The following FLNB variants were observed in gnomAD, a reference collection of about 807,000 sequenced individuals.
The protein encoded by FLNB is filamin B, also known as filamin-B.
FLNB carries 111 observed loss-of-function variants against 250.6 expected under a neutral mutation model. The ratio of observed to expected loss-of-function variants is 0.44; its 90% CI spans 0.38 to 0.52. FLNB has a LOEUF of 0.52. FLNB is among the 20% of genes least tolerant of loss of function. The pLI, the probability that FLNB is intolerant of heterozygous loss-of-function variation, is 0.00. For missense variants in FLNB, 2,869 were observed against 3,447.8 expected (o/e 0.83, Z 4.20); for synonymous variants, 1,302 against 1,372.1 (o/e 0.95, Z 1.13).
At chr3:58,027,152 T>C (rs1171945190) in intron 1 of FLNB, among the ~76,000 whole-genome samples, 1 of 151,636 alleles carries the variant, frequency 6.6e-6, no homozygotes, top group African/African-American at 2.4e-5. Flanking sequence ...ACTTAGACTC[T>C]GGCTCTTTTT....
chr3:58,104,058 C>CA lies in FLNB; in HGVS notation c.1584dup (p.Trp529MetfsTer12). On this transcript the variant is annotated frameshift_variant, in exon 10 of 46. Transcript: ENST00000295956. LOFTEE classifies it high-confidence loss of function. The stretch of plus-strand genomic sequence containing the variant: ...CCGGGGAGATACAGCATTGCCATCA[C>CA]ATGGGGGGGACACCACATTCCAAAG... The CA allele has an allele frequency of 6.2e-7, 1 of 1,613,994 alleles. No individual in the cohort carries two copies. The highest frequency in any genetic ancestry group is 8.5e-7 in the Non-Finnish European group (1 of 1,180,014).
chr3:58,037,058 CTTTTTTTTTTTTTTTTTT>C (rs549716136), intron 1 of FLNB, among the ~76,000 whole-genome samples: 1 of 103,594 alleles, frequency 9.7e-6, no homozygotes, highest in Non-Finnish European at 2.0e-5. Context: ...ACATTAGAGT[CTTTTTTTTTTTTTTTTTT>C]TTTTTTTTGA....
chr3:58,098,991 A>G (rs1219827992), intron 8 of FLNB, 83 bp downstream of exon 8: 2 of 1,197,884 alleles, frequency 1.7e-6, no homozygotes, highest in African/African-American at 1.5e-5. Flanking sequence ...GAAAACAGTC[A>G]GGGCCCAACA....
In FLNB at chr3:58,126,829, G is replaced by C. The variant is rs2362905; in HGVS notation, c.4222+67G>C. ...TTGCAGGAAAATGGGTTTGATTTTGGTTATCTCTCTGAGTGGGGAAAACAA... is the reference window on the plus strand; with the variant it reads ...TTGCAGGAAAATGGGTTTGATTTTGCTTATCTCTCTGAGTGGGGAAAACAA... On this transcript the variant is annotated intron_variant, in intron 24 of 45. Coordinates refer to ENST00000295956, the MANE Select transcript of FLNB (RefSeq NM_001457.4). 0.32 allele frequency: 464,047 copies of C among 1,468,116 alleles called. 96,053 individuals carry two copies. The highest frequency in any genetic ancestry group is 0.98 in the East Asian group (42,389 of 43,192). 90.9% of individuals were successfully genotyped at this position (1,468,116 alleles called of 1,614,324 possible). A position where few individuals can be genotyped will look rare whatever the true frequency, so the allele number is the denominator to read the frequency against.
rs752677879 is a variant in FLNB, at chr3:58,008,663, G to T, written c.99G>T (p.Val33=). ...GGTGCAACGAGCACCTCAAGTGCGT[G>T]AACAAACGCATCGGCAACCTGCAGA... ...TRWCNEHLKC[V]NKRIGNLQTD... is the part of the protein sequence containing the mutation. Residue 33 remains valine, a synonymous_variant, in exon 1 of 46, where the codon GTG becomes GTT. Transcript: ENST00000295956. 3 of 1,614,044 alleles carry T rather than the reference G, an allele frequency of 1.9e-6. No individual in the cohort carries two copies. Among genetic ancestry groups the T allele is most frequent in the Admixed American group, 1.7e-5 (1 of 60,014 alleles).
chr3:58,154,941 G>A lies in FLNB; in HGVS notation c.6772+13G>A, dbSNP rs777900133. The A allele has an allele frequency of 6.2e-6, 10 of 1,613,292 alleles. No individual in the cohort carries two copies. In the South Asian group the frequency reaches 7.7e-5, roughly 12 times the overall value. On this transcript the variant is annotated intron_variant, in intron 40 of 45. Coordinates refer to ENST00000295956, the MANE Select transcript of FLNB (RefSeq NM_001457.4). ...GCCCAAGAGCCTGGTATGTATTCAG[G>A]GTTCACAAGAGGACATTTTCCTTGT...
rs777664193 is a variant in FLNB at position 58,123,482 on chromosome 3, G to A, written c.3516G>A (p.Ser1172=). The A allele has an allele frequency of 1.6e-5, 26 of 1,604,218 alleles. No homozygotes were observed. Among genetic ancestry groups the A allele is most frequent in the South Asian group, 4.4e-5 (4 of 90,462 alleles). ...GPGALGLEAV[S]DSGTKAEVSI... ...GGGCCCTGGGCCTGGAAGCTGTCTC[G>A]GACTCGGGAACAAAAGCCGAAGTCA... The change falls in exon 21 of 46, where the codon TCG becomes TCA. Residue 1172 remains serine (S), a synonymous_variant. Transcript: ENST00000295956.
intron 1 of FLNB, among the ~76,000 whole-genome samples, chr3:58,034,404 T>C (rs1183262401): frequency 6.6e-6 from 1 of 152,178 alleles, no homozygotes; most frequent in Admixed American, 6.5e-5. Context: ...AAGACAATTT[T>C]TTTTTTTTTT....
chr3:58,149,995 C>G lies in FLNB; in HGVS notation c.6237C>G (p.His2079Gln). 1 of 1,614,278 alleles carries G rather than the reference C, an allele frequency of 6.2e-7. No individual in the cohort carries two copies. The highest frequency in any genetic ancestry group is 8.5e-7 in the Non-Finnish European group (1 of 1,180,052). The stretch of plus-strand genomic sequence containing the variant: ...TCTCCACCAAATTCGCTGACGAGCA[C>G]GTGCCTGGTATGTGCATTCCATTCC... ...YIVSTKFADE[H>Q]VPGSPFTVKI... The change falls in exon 37 of 46, where the codon CAC becomes CAG. Residue 2079 changes from histidine (H) to glutamine (Q), a missense_variant. By Grantham distance (24) the His-to-Gln change is conservative. Transcript: ENST00000295956.
intron 7 of FLNB, among the ~76,000 whole-genome samples, chr3:58,098,426 G>T (rs2097242940): frequency 6.6e-6 from 1 of 152,186 alleles, no homozygotes; most frequent in South Asian, 2.1e-4. Flanking sequence ...CGCCTCCTGG[G>T]TTCAAGCGAT....
Position 58,125,713 on chromosome 3 carries a change from A to G in FLNB, c.4031A>G (p.Asn1344Ser). 1 of 1,614,152 alleles carries G rather than the reference A, an allele frequency of 6.2e-7. No individual in the cohort carries two copies. The highest frequency in any genetic ancestry group is 8.5e-7 in the Non-Finnish European group (1 of 1,180,034). ...QGPGLKEAFTNKPNVFTVVTR... is the reference protein window; with the variant it reads ...QGPGLKEAFTSKPNVFTVVTR... ...CCTGGATTGAAAGAGGCCTTTACCA[A>G]CAAGCCCAATGTCTTCACCGTGGTT... The change falls in exon 23 of 46, where the codon AAC (asparagine) becomes AGC (serine). Residue 1344 changes from asparagine (N) to serine (S), a missense_variant. Around this residue, in one of 5 missense-constraint regions of FLNB, gnomAD observed 1,348 missense variants for 1,466.7 expected, o/e 0.92. Coordinates refer to ENST00000295956, the MANE Select transcript of FLNB (RefSeq NM_001457.4).
intron 1 of FLNB, among the ~76,000 whole-genome samples, chr3:58,022,380 T>A (rs1290143481): frequency 2.6e-5 from 4 of 152,210 alleles, no homozygotes; most frequent in African/African-American, 9.7e-5. Context: ...AGTGGAACAC[T>A]TCGTTTTTGG....
chr3:58,119,040 G>A (rs376191469), intron 19 of FLNB, 51 bp downstream of exon 19: 7 of 1,315,018 alleles, frequency 5.3e-6, no homozygotes, highest in Non-Finnish European at 6.6e-6. Flanking sequence ...CCCCAACGTG[G>A]CTGCTGGTTA....
At chr3:58,147,948 A>G (rs1168268112) in intron 34 of FLNB, among the ~76,000 whole-genome samples, 2 of 152,186 alleles carry the variant, frequency 1.3e-5, no homozygotes, top group South Asian at 4.1e-4. Context: ...ACCTGGCCCA[A>G]AGATTCCTTT....
chr3:58,165,638 A>T (rs2097369033), intron 43 of FLNB: 1 of 152,002 alleles, frequency 6.6e-6, no homozygotes, highest in African/African-American at 2.4e-5. Flanking sequence ...TAGATTTTGG[A>T]GTAGGGGAAT....
rs766316609 is a variant in FLNB at position 58,142,762 on chromosome 3, T to C, written c.5284+10T>C. The C allele has an allele frequency of 6.2e-7, 1 of 1,609,588 alleles. No individual in the cohort carries two copies. The highest frequency in any genetic ancestry group is 8.5e-7 in the Non-Finnish European group (1 of 1,175,876). On this transcript the variant is annotated intron_variant, in intron 31 of 45. Coordinates refer to ENST00000295956, the MANE Select transcript of FLNB (RefSeq NM_001457.4). This position sits in a 1 kb window ranked among gnomAD's most constrained non-coding sequence, Gnocchi z 4.3. Reference sequence around the variant, plus strand: ...AAAGGAGAAATCACTGGTAAGCACTTGCCATAAAGGCCGTCTCATTCTCAC... The same window carrying C: ...AAAGGAGAAATCACTGGTAAGCACTCGCCATAAAGGCCGTCTCATTCTCAC...
In FLNB at chr3:58,169,934, C is replaced by A; in HGVS notation, c.7621+141C>A. The stretch of plus-strand genomic sequence containing the variant: ...CGTTTGCAAGTAACCATCGTCATGA[C>A]CCTGTTCTCCTGCACTTAATATTTT... On this transcript the variant is annotated intron_variant, in intron 45 of 45. Transcript: ENST00000295956. This position sits in a 1 kb window ranked among gnomAD's most constrained non-coding sequence, Gnocchi z 4.8. 1.6e-6 allele frequency: 1 copy of A among 628,618 alleles called. No homozygotes were observed. The highest frequency in any genetic ancestry group is 1.9e-5 in the South Asian group (1 of 51,316). The allele number at this position is 628,618 out of a possible 1,614,324, so 38.9% of individuals were successfully genotyped here.
At chr3:58,121,597 A>G in intron 20 of FLNB, 94 bp downstream of exon 20, 1 of 1,542,114 alleles carries the variant, frequency 6.5e-7, no homozygotes. Context: ...GACCTTCTGA[A>G]AATCGTTTTG....
chr3:58,146,846 C>G lies in FLNB; in HGVS notation c.5581C>G (p.Pro1861Ala). 6.2e-7 allele frequency: 1 copy of G among 1,614,114 alleles called. No homozygotes were observed. Among genetic ancestry groups the G allele is most frequent in the Non-Finnish European group, 8.5e-7 (1 of 1,180,022 alleles). ...TGGTCTGGACTTGGCTATTGAGGGC[C>G]CCTCAAAAGCAGAAATCAGCTGCAT... ...EGGLDLAIEG[P>A]SKAEISCIDN... Residue 1861 changes from proline (P) to alanine (A), a missense_variant, in exon 34 of 46, where the codon CCC (proline) becomes GCC (alanine). Transcript: ENST00000295956.
Sources: allele counts gnomAD v4.1 joint callset (sites outside exome capture counted in the v4.1 genomes callset), GRCh38; gene constraint gnomAD v4.1.1; regional missense constraint gnomAD v4.1.1; non-coding constraint Gnocchi (gnomAD v3.1); transcripts MANE v1.5; gene names NCBI Gene and HGNC (gene_info 2026-07-23, HGNC 2026-07-21).